ROBO1: variants seen among roughly 807,000 people sequenced by gnomAD.
The protein encoded by ROBO1 is roundabout guidance receptor 1.
Under a neutral mutation model 195.9 loss-of-function variants are expected in ROBO1, and 149 were observed. The ratio of observed to expected loss-of-function variants is 0.76; its 90% confidence interval spans 0.67 to 0.87. The LOEUF (loss-of-function observed/expected upper bound fraction) is 0.87. Among genes scored for constraint, ROBO1 ranks in the 40% least tolerant of loss-of-function variants. The probability of loss-of-function intolerance (pLI) is 0.00; values close to 1 mark genes in which losing one functional copy is unlikely to be tolerated. For synonymous variants in ROBO1, 816 were observed against 733.2 expected, an observed-to-expected ratio of 1.11 and a Z score of -1.82; for missense variants, 1,933 against 2,068.3, an observed-to-expected ratio of 0.93 and a Z score of 1.27.
chr3:79,613,878 A>G (rs1485274330), intron 1 of ROBO1, among the ~76,000 whole-genome samples: 1 of 152,086 alleles, frequency 6.6e-6, no homozygotes, highest in Non-Finnish European at 1.5e-5. Flanking sequence ...ATGACCATAC[A>G]GGTATTAACA....
chr3:78,887,206 C>T lies in ROBO1; in HGVS notation c.499+51395G>A, dbSNP rs78978672. On this transcript the variant is annotated intron_variant, in intron 4 of 30. Transcript: ENST00000464233. ...ATGAGAAACATACAATGTGGCATGA[C>T]GGCAGCAGGTTGGCTTAGGAATGCT... Among the ~76,000 whole-genome samples the T allele has an allele frequency of 2.1e-3, 326 of 152,190 alleles. 1 individual carries two copies. The highest frequency in any genetic ancestry group is 7.4e-3 in the African/African-American group (309 of 41,516).
intron 2 of ROBO1, among the ~76,000 whole-genome samples, chr3:79,543,538 T>C (rs1174497367): frequency 6.6e-6 from 1 of 152,088 alleles, no homozygotes; most frequent in East Asian, 1.9e-4. Context: ...AAACGGATCA[T>C]CCGAGCAGCA....
intron 2 of ROBO1, among the ~76,000 whole-genome samples, chr3:79,256,581 T>C (rs1189731912): frequency 6.6e-6 from 1 of 152,110 alleles, no homozygotes; most frequent in Non-Finnish European, 1.5e-5. Context: ...AAGAAAATAA[T>C]ATTAGGATCT....
At chr3:79,082,217 A>G (rs2079286843) in intron 3 of ROBO1, among the ~76,000 whole-genome samples, 1 of 152,150 alleles carries the variant, frequency 6.6e-6, no homozygotes, top group Non-Finnish European at 1.5e-5. Context: ...AACTGTTCTA[A>G]CTGTATAAAC....
intron 2 of ROBO1, among the ~76,000 whole-genome samples, chr3:79,330,273 G>GTATGTATA (rs1553721133): frequency 2.0e-4 from 27 of 137,860 alleles, no homozygotes; most frequent in Non-Finnish European, 3.6e-4. Context: ...GTATATATAT[G>GTATGTATA]TATATATATA....
intron 1 of ROBO1, among the ~76,000 whole-genome samples, chr3:79,621,474 A>G (rs1945007797): frequency 6.6e-6 from 1 of 152,208 alleles, no homozygotes; most frequent in African/African-American, 2.4e-5. Flanking sequence ...CAGACTGTCA[A>G]TAATCAACAT....
At chr3:79,255,078 C>T (rs2082804908) in intron 2 of ROBO1, among the ~76,000 whole-genome samples, 1 of 152,212 alleles carries the variant, frequency 6.6e-6, no homozygotes, top group Non-Finnish European at 1.5e-5. Context: ...CATCATCCAT[C>T]TCATCCATCA....
intron 2 of ROBO1, among the ~76,000 whole-genome samples, chr3:79,498,981 A>T (rs983859070): frequency 3.3e-5 from 5 of 152,126 alleles, no homozygotes; most frequent in Non-Finnish European, 7.4e-5. Flanking sequence ...CCATTCTTTA[A>T]TTTTTTAAAT....
At chr3:78,818,895 T>G (rs570596125) in intron 4 of ROBO1, among the ~76,000 whole-genome samples, 212 of 152,316 alleles carry the variant, frequency 1.4e-3, no homozygotes, top group African/African-American at 4.9e-3. Context: ...TTGCATAAAT[T>G]TTATTGTAGT....
At position 79,190,302 on chromosome 3, in the gene ROBO1, T is replaced by C. The variant is rs140624634; in HGVS notation, c.89-64763A>G. ...TTTCTGTGTTGGCAAAAATATTCTA[T>C]AAATCCATGTGTGTTTGGCTATTGA... is the stretch of plus-strand genomic sequence containing the variant. On this transcript the variant is annotated intron_variant, in intron 2 of 30. Transcript: ENST00000464233. 1.8e-3 allele frequency among the ~76,000 whole-genome samples: 278 copies of C among 151,746 alleles called. 2 individuals are homozygous for C. The highest frequency in any genetic ancestry group is 6.2e-3 in the African/African-American group (259 of 41,502).
intron 2 of ROBO1, among the ~76,000 whole-genome samples, chr3:79,506,084 C>T (rs185891643): frequency 1.1e-4 from 17 of 152,148 alleles, no homozygotes; most frequent in African/African-American, 3.6e-4. Flanking sequence ...AATAAAGAAT[C>T]TGCATTTTAT....
chr3:79,089,984 G>C (rs2079447024), intron 3 of ROBO1, among the ~76,000 whole-genome samples: 1 of 147,324 alleles, frequency 6.8e-6, no homozygotes, highest in Non-Finnish European at 1.5e-5. Context: ...CTGTTGCCCA[G>C]GCTGGAGTGC....
chr3:79,483,815 G>A (rs962590168), intron 2 of ROBO1, among the ~76,000 whole-genome samples: 1 of 152,054 alleles, frequency 6.6e-6, no homozygotes, highest in Non-Finnish European at 1.5e-5. Context: ...GATCTGGGAC[G>A]GGGTTGGGGG....
chr3:78,734,684 C>T (rs942242488), intron 5 of ROBO1, among the ~76,000 whole-genome samples: 1 of 151,090 alleles, frequency 6.6e-6, no homozygotes, highest in Admixed American at 6.6e-5. Context: ...TTGCAACAGT[C>T]AAAGTAGGAT....
chr3:78,964,145 T>C (rs918488020), intron 3 of ROBO1, among the ~76,000 whole-genome samples: 2 of 152,140 alleles, frequency 1.3e-5, no homozygotes, highest in Non-Finnish European at 2.9e-5. Context: ...GGTGTTCTCC[T>C]TACATCTCTA....
chr3:79,074,059 T>G (rs2079131127), intron 3 of ROBO1, among the ~76,000 whole-genome samples: 1 of 151,848 alleles, frequency 6.6e-6, no homozygotes, highest in Admixed American at 6.6e-5. Flanking sequence ...AAATATAATC[T>G]CATTGTTCTT....
At chr3:79,296,034 A>C (rs1331279147) in intron 2 of ROBO1, among the ~76,000 whole-genome samples, 2 of 152,176 alleles carry the variant, frequency 1.3e-5, no homozygotes, top group Non-Finnish European at 2.9e-5. Flanking sequence ...AAAAAGACAC[A>C]AGCAAGTATG....
chr3:78,823,360 CATAAT>C (rs572796320), intron 4 of ROBO1, among the ~76,000 whole-genome samples: 184 of 152,202 alleles, frequency 1.2e-3, no homozygotes, highest in African/African-American at 4.1e-3. Flanking sequence ...ATATCTGTAA[CATAAT>C]AGAGTACTCG....
At chr3:79,217,717 G>A (rs1170142577) in intron 2 of ROBO1, among the ~76,000 whole-genome samples, 1 of 151,900 alleles carries the variant, frequency 6.6e-6, no homozygotes, top group African/African-American at 2.4e-5. Flanking sequence ...GAGTTTTGAT[G>A]GATGAGGGAG....
Sources: gnomAD v4.1 joint callset for allele counts (sites outside exome capture counted in the v4.1 genomes callset) on GRCh38, gnomAD v4.1.1 for gene constraint, MANE v1.5 for transcripts, NCBI Gene and HGNC (gene_info 2026-07-23, HGNC 2026-07-21) for gene names.